Variants in TRMT10B observed in about 807,000 individuals in gnomAD.
The protein encoded by TRMT10B is tRNA methyltransferase 10B.
TRMT10B carries 33 observed loss-of-function variants against 43.8 expected under a neutral mutation model. That is an observed-to-expected ratio of 0.75 (90% CI 0.57 to 1.01). TRMT10B has a LOEUF of 1.01. Ranked by LOEUF, TRMT10B falls within the 50% of genes least tolerant of loss-of-function variation. The pLI, the probability that TRMT10B is intolerant of heterozygous loss-of-function variation, is 0.00. For synonymous variants in TRMT10B, 137 were observed against 130.6 expected, an observed-to-expected ratio of 1.05 and a Z score of -0.34; for missense variants, 362 against 369.8, an observed-to-expected ratio of 0.98 and a Z score of 0.17.
Position 37,769,922 on chromosome 9 carries a change from G to C in TRMT10B, c.574-19G>C. 2 of 1,610,410 alleles carry C rather than the reference G, an allele frequency of 1.2e-6. No individual in the cohort carries two copies. Among genetic ancestry groups the C allele is most frequent in the Non-Finnish European group, 1.7e-6 (2 of 1,176,692 alleles). ...CCAGCCGTGAGCTGTTTTAACATCA[G>C]ACTGTTTGCATTTTCCAGTTAGACA... On this transcript the variant is annotated intron_variant, in intron 5 of 8. Coordinates refer to ENST00000297994, the MANE Select transcript of TRMT10B (RefSeq NM_144964.4).
rs1409345572 is a variant in TRMT10B at position 37,765,968 on chromosome 9, C to A, written c.421-2108C>A. 2.2e-5 allele frequency among the ~76,000 whole-genome samples: 3 copies of A among 136,824 alleles called. No individual in the cohort carries two copies. The East Asian group carries it at 6.2e-4, about 28-fold the overall frequency. 89.8% of individuals were successfully genotyped at this position (136,824 alleles called of 152,430 possible). On this transcript the variant is annotated intron_variant, in intron 4 of 8. Transcript: ENST00000297994. Reference sequence around the variant, plus strand: ...TGTAAATTTGAGTTCATTGTAGATTCTGGATATTAGCCCTTTGTCAGATGA... The same window carrying A: ...TGTAAATTTGAGTTCATTGTAGATTATGGATATTAGCCCTTTGTCAGATGA...
intron 3 of TRMT10B, among the ~76,000 whole-genome samples, chr9:37,763,244 A>G (rs1246153994): frequency 1.3e-5 from 2 of 152,074 alleles, no homozygotes; most frequent in African/African-American, 2.4e-5. Flanking sequence ...TAGGAGTGAT[A>G]CCAGCAACAG....
At chr9:37,771,192 G>A (rs1247044433) in intron 7 of TRMT10B, among the ~76,000 whole-genome samples, 1 of 151,786 alleles carries the variant, frequency 6.6e-6, no homozygotes, top group South Asian at 2.1e-4. Context: ...GGGTGTCACT[G>A]GAATTTTGAA....
chr9:37,776,177 T>C, intron 7 of TRMT10B, 105 bp from the exon 8 acceptor site: 1 of 999,422 alleles, frequency 1.0e-6, no homozygotes, highest in Non-Finnish European at 1.4e-6. Flanking sequence ...TTATCTGCAG[T>C]TTCTTCCATT....
intron 1 of TRMT10B, among the ~76,000 whole-genome samples, chr9:37,757,741 T>G (rs556075630): frequency 6.6e-5 from 10 of 152,318 alleles, no homozygotes; most frequent in African/African-American, 2.2e-4. Context: ...CATGAGTACT[T>G]GTTTTATATC....
intron 7 of TRMT10B, among the ~76,000 whole-genome samples, chr9:37,772,996 CTT>C (rs1019017714): frequency 6.6e-6 from 1 of 152,150 alleles, no homozygotes; most frequent in Non-Finnish European, 1.5e-5. Flanking sequence ...TAAAAGTTTT[CTT>C]TGAAGTGAAA....
In TRMT10B at chr9:37,777,808, C is replaced by T. The variant is rs555067999; in HGVS notation, c.*101C>T. The stretch of plus-strand genomic sequence containing the variant: ...ATCACCTGAGGTCAGGAGTTCACGA[C>T]CAGCCTGGCCAACATGGTGAAACCC... On this transcript the variant is annotated 3_prime_UTR_variant, in exon 9 of 9. Transcript: ENST00000297994. 44 of 880,454 alleles carry T rather than the reference C, an allele frequency of 5.0e-5. No homozygotes were observed. The highest frequency in any genetic ancestry group is 8.0e-5 in the Non-Finnish European group (44 of 548,940). The allele number at this position is 880,454 out of a possible 1,614,324, so 54.5% of individuals were successfully genotyped here. A position where few individuals can be genotyped will look rare whatever the true frequency, so the allele number is the denominator to read the frequency against.
intron 1 of TRMT10B, among the ~76,000 whole-genome samples, chr9:37,760,947 T>G (rs1034854755): frequency 1.3e-5 from 2 of 152,196 alleles, no homozygotes; most frequent in African/African-American, 2.4e-5. Flanking sequence ...TTGACATCAT[T>G]AAGTGTTGTG....
intron 1 of TRMT10B, among the ~76,000 whole-genome samples, chr9:37,754,411 G>A (rs1211850433): frequency 6.6e-6 from 1 of 152,192 alleles, no homozygotes; most frequent in Non-Finnish European, 1.5e-5. Flanking sequence ...ATAGACCCCG[G>A]AGTGCAGAGG....
chr9:37,759,206 G>A (rs1211138988), intron 1 of TRMT10B, among the ~76,000 whole-genome samples: 1 of 152,174 alleles, frequency 6.6e-6, no homozygotes, highest in Non-Finnish European at 1.5e-5. Flanking sequence ...AATGTTCATA[G>A]CAGATTTATT....
chr9:37,769,894 C>T (rs1275581388), intron 5 of TRMT10B, 47 bp from the exon 6 acceptor site: 3 of 1,514,692 alleles, frequency 2.0e-6, no homozygotes, highest in Non-Finnish European at 2.8e-6. Context: ...TGAGCCACCC[C>T]ACCCAGCCGT....
chr9:37,762,671 G>T lies in TRMT10B; in HGVS notation c.281G>T (p.Arg94Leu). The change falls in exon 3 of 9, where the codon CGT becomes CTT. Residue 94 changes from arginine to leucine, a missense_variant. Transcript: ENST00000297994. ...KQEKERRKAN[R>L]AENPGICPQH... ...GAAAAAGAACGAAGAAAAGCCAATC[G>T]TGCAGAAAATCCAGGTGACAATAAA... is the stretch of plus-strand genomic sequence containing the variant. 1 of 1,584,540 alleles carries T rather than the reference G, an allele frequency of 6.3e-7. No homozygotes were observed. Among genetic ancestry groups the T allele is most frequent in the Non-Finnish European group, 8.6e-7 (1 of 1,163,800 alleles).
chr9:37,777,742 C>T lies in TRMT10B; in HGVS notation c.*35C>T. 1 of 1,560,464 alleles carries T rather than the reference C, an allele frequency of 6.4e-7. No individual in the cohort carries two copies. The highest frequency in any genetic ancestry group is 8.8e-7 in the Non-Finnish European group (1 of 1,131,772). On this transcript the variant is annotated 3_prime_UTR_variant, in exon 9 of 9. Transcript: ENST00000297994. ...GATTGCAGCTGCGTGGCCAGGTGCT[C>T]ACGCCGTAATGCCAACACTTTGGTA... is the stretch of plus-strand genomic sequence containing the variant.
At chr9:37,758,278 G>A (rs925355316) in intron 1 of TRMT10B, among the ~76,000 whole-genome samples, 7 of 152,164 alleles carry the variant, frequency 4.6e-5, no homozygotes, top group Admixed American at 1.3e-4. Context: ...TGGGCATGGT[G>A]GTGTGCACCT....
chr9:37,754,545 A>G (rs1306026921), intron 1 of TRMT10B, among the ~76,000 whole-genome samples: 2 of 152,148 alleles, frequency 1.3e-5, no homozygotes, highest in Non-Finnish European at 2.9e-5. Flanking sequence ...TCAAATACTT[A>G]GGATGCTCAC....
At chr9:37,762,761 G>C in intron 3 of TRMT10B, 76 bp downstream of exon 3, 1 of 1,461,530 alleles carries the variant, frequency 6.8e-7, no homozygotes, top group South Asian at 1.4e-5. Context: ...AATGAGAGTA[G>C]GAATTTTGTA....
chr9:37,772,080 T>C (rs997958520), intron 7 of TRMT10B, among the ~76,000 whole-genome samples: 8 of 152,154 alleles, frequency 5.3e-5, no homozygotes, highest in African/African-American at 1.9e-4. Flanking sequence ...GGTGCGATCA[T>C]GGCTCACTGC....
chr9:37,768,876 T>A (rs542008906), intron 5 of TRMT10B, among the ~76,000 whole-genome samples: 1 of 152,214 alleles, frequency 6.6e-6, no homozygotes, highest in Non-Finnish European at 1.5e-5. Flanking sequence ...TTTTCTTCTA[T>A]GTAGTTGTTT....
rs764020780 is a variant in TRMT10B at position 37,770,747 on chromosome 9, T to C, written c.720+8T>C. The C allele has an allele frequency of 6.2e-6, 10 of 1,613,464 alleles. No homozygotes were observed. The highest frequency in any genetic ancestry group is 2.2e-5 in the East Asian group (1 of 44,892). ...GATGAAAGCATTCAGAAGGTAAGTA[T>C]ACATTTCAGCCCCAACATCTGTTTT... is the stretch of plus-strand genomic sequence containing the variant. On this transcript the variant is annotated splice_region_variant and intron_variant, in intron 7 of 8. Coordinates refer to ENST00000297994, the MANE Select transcript of TRMT10B (RefSeq NM_144964.4).
Sources: allele counts gnomAD v4.1 joint callset (sites outside exome capture counted in the v4.1 genomes callset), GRCh38; gene constraint gnomAD v4.1.1; transcripts MANE v1.5; gene names NCBI Gene and HGNC (gene_info 2026-07-23, HGNC 2026-07-21).